Variants in DGLUCY observed in about 807,000 individuals in gnomAD.
The protein encoded by DGLUCY is D-glutamate cyclase.
In DGLUCY, 58 loss-of-function variants were observed where a neutral mutation model predicts 58.5. The ratio of observed to expected loss-of-function variants is 0.99; its 90% CI spans 0.80 to 1.23. DGLUCY has a LOEUF of 1.23. Among genes scored for constraint, DGLUCY ranks in the 50% most tolerant of loss-of-function variants. The pLI is 0.00. For missense variants in DGLUCY, 779 were observed against 784.7 expected (o/e 0.99, Z 0.09); for synonymous variants, 325 against 314.1 (o/e 1.03, Z -0.37).
intron 1 of DGLUCY, among the ~76,000 whole-genome samples, chr14:91,072,110 C>A (rs2043931704): frequency 6.6e-6 from 1 of 151,948 alleles, no homozygotes; most frequent in South Asian, 2.1e-4. Context: ...ATCGCTTGAG[C>A]CCACGAGTTC....
intron 1 of DGLUCY, among the ~76,000 whole-genome samples, chr14:91,093,399 C>T (rs780758544): frequency 2.6e-5 from 4 of 151,990 alleles, no homozygotes; most frequent in Admixed American, 1.3e-4. Context: ...AGCAGAGAAG[C>T]GAAATGTGGT....
intron 1 of DGLUCY, among the ~76,000 whole-genome samples, chr14:91,134,595 G>A (rs1038414918): frequency 1.3e-4 from 19 of 151,912 alleles, no homozygotes; most frequent in Non-Finnish European, 2.6e-4. Flanking sequence ...GTGCCATCAC[G>A]TTCGGCTAAT....
intron 13 of DGLUCY, chr14:91,216,486 A>T (rs1285868): frequency 0.98 from 148,609 of 151,466 alleles, 72,953 homozygotes; most frequent in East Asian, 1. Context: ...TAGAAAAAAA[A>T]TTTTAAAATT....
chr14:91,141,577 G>T (rs2046678398), intron 1 of DGLUCY, among the ~76,000 whole-genome samples: 1 of 144,196 alleles, frequency 6.9e-6, no homozygotes, highest in African/African-American at 2.5e-5. Context: ...TTTTGAAGCG[G>T]AGTCTCACTC....
At chr14:91,166,334 G>T (rs1374024315) in intron 3 of DGLUCY, among the ~76,000 whole-genome samples, 1 of 152,144 alleles carries the variant, frequency 6.6e-6, no homozygotes, top group Non-Finnish European at 1.5e-5. Flanking sequence ...CTGCAGGGTG[G>T]TGTACACTTT....
intron 9 of DGLUCY, among the ~76,000 whole-genome samples, chr14:91,192,860 A>G (rs1456184843): frequency 6.6e-6 from 1 of 152,218 alleles, no homozygotes. Flanking sequence ...GTATTTTACC[A>G]TAATTTTTAA....
chr14:91,095,020 C>A (rs566615391), intron 1 of DGLUCY, among the ~76,000 whole-genome samples: 1 of 152,232 alleles, frequency 6.6e-6, no homozygotes, highest in South Asian at 2.1e-4. Context: ...TGCCCTCCAG[C>A]AGCTGGTCAC....
At chr14:91,091,062 G>A (rs949716870) in intron 1 of DGLUCY, 3 of 152,236 alleles carry the variant, frequency 2.0e-5, no homozygotes, top group African/African-American at 7.2e-5. Context: ...AAGCCAGCTT[G>A]GCAAATTCCC....
At chr14:91,160,620 A>G (rs1283034570) in intron 3 of DGLUCY, among the ~76,000 whole-genome samples, 2 of 152,126 alleles carry the variant, frequency 1.3e-5, no homozygotes, top group Non-Finnish European at 2.9e-5. Flanking sequence ...AGATGGGTCT[A>G]ATGACACCCA....
chr14:91,135,151 C>T (rs1457318033), intron 1 of DGLUCY, among the ~76,000 whole-genome samples: 1 of 152,024 alleles, frequency 6.6e-6, no homozygotes, highest in East Asian at 1.9e-4. Flanking sequence ...CTTGAGAACT[C>T]CTGAGATCAA....
At chr14:91,128,511 TAAAAC>T (rs994590274) in intron 1 of DGLUCY, among the ~76,000 whole-genome samples, 2 of 151,604 alleles carry the variant, frequency 1.3e-5, no homozygotes, top group African/African-American at 4.8e-5. Context: ...AAAAATAAAA[TAAAAC>T]AAAAAATAAA....
intron 10 of DGLUCY, 137 bp from the exon 11 acceptor site, chr14:91,199,620 T>C (rs2050429605): frequency 3.1e-6 from 3 of 977,530 alleles, no homozygotes; most frequent in East Asian, 2.4e-5. Flanking sequence ...AGAGTAGATG[T>C]GCCACCAAGT....
chr14:91,083,535 A>C lies in DGLUCY; in HGVS notation c.-82+22831A>C, dbSNP rs188744453. ...GAGATTCCGTCTCAAAAAAAAAAAAAAAAAACAGAGAGAACGATCCGTAAA... is the reference window on the plus strand; with the variant it reads ...GAGATTCCGTCTCAAAAAAAAAAAACAAAAACAGAGAGAACGATCCGTAAA... On this transcript the variant is annotated intron_variant, in intron 1 of 4. Coordinates refer to the DGLUCY transcript ENST00000521334. 5.7e-3 allele frequency among the ~76,000 whole-genome samples: 864 copies of C among 151,288 alleles called. 5 individuals are homozygous for C. Among genetic ancestry groups the C allele is most frequent in the Admixed American group, 0.014 (209 of 15,190 alleles).
chr14:91,077,370 G>GAAGGAAGGA (rs1414153925), intron 1 of DGLUCY, among the ~76,000 whole-genome samples: 2 of 148,952 alleles, frequency 1.3e-5, no homozygotes, highest in Non-Finnish European at 3.0e-5. Context: ...AGGGAGGGAG[G>GAAGGAAGGA]AAGGAAGGAA....
At chr14:91,060,505 C>T in exon 1 of DGLUCY, 1 of 1,259,894 alleles carries the variant, frequency 7.9e-7, no homozygotes. Context: ...CCCGTCCCCT[C>T]GCAGCCGCTG....
chr14:91,205,806 T>G, intron 12 of DGLUCY, among the ~76,000 whole-genome samples: 1 of 131,918 alleles, frequency 7.6e-6, no homozygotes, highest in African/African-American at 3.1e-5. Flanking sequence ...TCCGTCTCCT[T>G]CTCCTCCTCC....
chr14:91,104,513 T>TGA (rs1405341600), upstream of DGLUCY, among the ~76,000 whole-genome samples: 1 of 152,144 alleles, frequency 6.6e-6, no homozygotes, highest in Non-Finnish European at 1.5e-5. Flanking sequence ...GTGTCACAGT[T>TGA]GAGAAACCTG....
rs748999054 is a variant in DGLUCY at position 91,160,397 on chromosome 14, G to A, written c.103G>A (p.Glu35Lys). ...NIRNTSSMAG[E>K]LRPASLVVLP... ...CAGAAATACATCCAGCATGGCTGGA[G>A]GTAAGTGGTGCCAGATAGTTAAAAA... The change falls in exon 3 of 14, where the codon GAG becomes AAG. Residue 35 changes from glutamate (E) to lysine (K), a missense_variant and splice_region_variant. Physicochemically the swap from Glu to Lys is moderately conservative, Grantham distance 56 (BLOSUM62 1). Coordinates refer to ENST00000256324, the MANE Select transcript of DGLUCY (RefSeq NM_001102368.3). 2 of 1,323,106 alleles carry A rather than the reference G, an allele frequency of 1.5e-6. No individual in the cohort carries two copies. Among genetic ancestry groups the A allele is most frequent in the Non-Finnish European group, 2.1e-6 (2 of 933,072 alleles). The allele number at this position is 1,323,106 out of a possible 1,614,324, so 82.0% of individuals were successfully genotyped here.
At chr14:91,151,349 C>G (rs2047326747) in intron 1 of DGLUCY, among the ~76,000 whole-genome samples, 2 of 152,088 alleles carry the variant, frequency 1.3e-5, no homozygotes, top group South Asian at 4.1e-4. Flanking sequence ...ACGCCATTCT[C>G]CTAACTCAGC....
Sources: gnomAD v4.1 joint callset for allele counts (sites outside exome capture counted in the v4.1 genomes callset) on GRCh38, gnomAD v4.1.1 for gene constraint, MANE v1.5 for transcripts, NCBI Gene and HGNC (gene_info 2026-07-23, HGNC 2026-07-21) for gene names.